TAOK3: variants seen among roughly 807,000 people sequenced by gnomAD.
TAOK3 encodes the protein serine/threonine-protein kinase TAO3.
In TAOK3, 40 loss-of-function variants were observed where a neutral mutation model predicts 120.4. The ratio of observed to expected loss-of-function variants is 0.33; its 90% confidence interval spans 0.26 to 0.43. The LOEUF is 0.43. Among genes scored for constraint, TAOK3 ranks in the 20% least tolerant of loss-of-function variants. The pLI is 1.00. For missense variants in TAOK3, 821 were observed against 1,112.1 expected, an observed-to-expected ratio of 0.74 and a Z score of 3.72; for synonymous variants, 355 against 387.5, an observed-to-expected ratio of 0.92 and a Z score of 0.99.
In TAOK3 at chr12:118,371,392, G is replaced by A. The variant is rs545627066; in HGVS notation, c.-194+1256C>T. 1.1e-4 allele frequency among the ~76,000 whole-genome samples: 17 copies of A among 152,296 alleles called. No homozygotes were observed. In the South Asian group the frequency reaches 1.7e-3, roughly 15 times the overall value. On this transcript the variant is annotated intron_variant, in intron 1 of 20. Coordinates refer to ENST00000392533, the MANE Select transcript of TAOK3 (RefSeq NM_016281.4). This position sits in a 1 kb window ranked among gnomAD's most constrained non-coding sequence, Gnocchi z 5.5. ...GAACGAATGCGAAGCCAGCGGGCCA[G>A]TGAGAAGAGGTCAGGCCGCGCAGGT...
chr12:118,210,967 G>A (rs1270439506), intron 11 of TAOK3, among the ~76,000 whole-genome samples: 1 of 152,044 alleles, frequency 6.6e-6, no homozygotes, highest in Non-Finnish European at 1.5e-5. Context: ...TCGAACTGGT[G>A]ACCTCCTGAT....
intron 2 of TAOK3, among the ~76,000 whole-genome samples, chr12:118,258,908 C>T (rs1293463716): frequency 6.6e-6 from 1 of 151,948 alleles, no homozygotes; most frequent in Non-Finnish European, 1.5e-5. Flanking sequence ...TTTTCAATCA[C>T]CAAAACACAT....
intron 1 of TAOK3, among the ~76,000 whole-genome samples, chr12:118,359,967 T>A (rs1283095999): frequency 6.6e-6 from 1 of 152,156 alleles, no homozygotes; most frequent in East Asian, 1.9e-4. Flanking sequence ...AGATGCGCGA[T>A]TATTAAGAAT....
intron 1 of TAOK3, among the ~76,000 whole-genome samples, chr12:118,312,930 A>G (rs543392123): frequency 2.0e-5 from 3 of 152,206 alleles, no homozygotes; most frequent in African/African-American, 7.2e-5. Flanking sequence ...GAATTCCATC[A>G]ATCAAAAATG....
intron 14 of TAOK3, among the ~76,000 whole-genome samples, chr12:118,183,569 G>A (rs1298760474): frequency 2.0e-5 from 3 of 152,004 alleles, no homozygotes; most frequent in Non-Finnish European, 4.4e-5. Flanking sequence ...CATAATTCAA[G>A]ATGAAAGGAG....
Position 118,158,535 on chromosome 12 carries a change from C to A in TAOK3, c.2352+1611G>T, listed in dbSNP as rs921992736. Among the ~76,000 whole-genome samples the A allele has an allele frequency of 3.9e-5, 6 of 152,106 alleles. No homozygotes were observed. The East Asian group carries it at 5.8e-4, about 15-fold the overall frequency. On this transcript the variant is annotated intron_variant, in intron 19 of 20. Coordinates refer to ENST00000392533, the MANE Select transcript of TAOK3 (RefSeq NM_016281.4). ...TGACCTATTCTACTCTGTTGTCAAA[C>A]CTCTCAAATTGGTCACTAAGTTATT...
At chr12:118,152,774 T>C (rs795483) in intron 19 of TAOK3, 124,307 of 181,336 alleles carry the variant, frequency 0.69, 42,713 homozygotes, top group South Asian at 0.72. Context: ...TGTGTTTCAT[T>C]CTCAAGAAAA....
At chr12:118,192,226 G>A (rs921574151) in intron 13 of TAOK3, among the ~76,000 whole-genome samples, 2 of 152,110 alleles carry the variant, frequency 1.3e-5, no homozygotes, top group South Asian at 4.1e-4. Flanking sequence ...AAGTACACCG[G>A]AAAAATTAAA....
chr12:118,299,734 T>C (rs891760728), intron 1 of TAOK3, among the ~76,000 whole-genome samples: 2 of 152,146 alleles, frequency 1.3e-5, no homozygotes, highest in African/African-American at 4.8e-5. Flanking sequence ...GGTCTCGAAC[T>C]CCTAATCTCA....
chr12:118,330,741 A>G (rs2044111189), intron 1 of TAOK3, among the ~76,000 whole-genome samples: 1 of 150,854 alleles, frequency 6.6e-6, no homozygotes, highest in Non-Finnish European at 1.5e-5. Context: ...AAAAGAAAGA[A>G]GGAAAGAAGA....
intron 15 of TAOK3, among the ~76,000 whole-genome samples, chr12:118,178,300 C>T (rs1238172445): frequency 1.3e-5 from 2 of 152,140 alleles, no homozygotes; most frequent in East Asian, 3.9e-4. Flanking sequence ...GTTTTTACAT[C>T]ATATTGTTGA....
intron 1 of TAOK3, among the ~76,000 whole-genome samples, chr12:118,325,191 T>G (rs888234588): frequency 6.6e-6 from 1 of 152,262 alleles, no homozygotes; most frequent in Non-Finnish European, 1.5e-5. Context: ...GGCATGGGAC[T>G]GCAAATATCT....
At chr12:118,344,557 T>A (rs1200571476) in intron 1 of TAOK3, among the ~76,000 whole-genome samples, 1 of 152,044 alleles carries the variant, frequency 6.6e-6, no homozygotes, top group Admixed American at 6.6e-5. Context: ...ACGCAAAAAA[T>A]ACATGGCAAT....
At chr12:118,224,115 G>C (rs2039387153) in intron 9 of TAOK3, among the ~76,000 whole-genome samples, 1 of 152,114 alleles carries the variant, frequency 6.6e-6, no homozygotes, top group Admixed American at 6.6e-5. Context: ...TATTTTTCCA[G>C]TTTCCCAACT....
intron 13 of TAOK3, among the ~76,000 whole-genome samples, chr12:118,194,104 C>T (rs536139810): frequency 2.6e-5 from 4 of 152,200 alleles, no homozygotes; most frequent in South Asian, 2.1e-4. Flanking sequence ...CTAAGGAAGT[C>T]GTAAAATAGT....
chr12:118,228,195 C>A (rs2039600708), intron 9 of TAOK3, among the ~76,000 whole-genome samples: 1 of 149,212 alleles, frequency 6.7e-6, no homozygotes, highest in Non-Finnish European at 1.5e-5. Flanking sequence ...TCTTGTCGTC[C>A]AGCTGGAGTG....
chr12:118,209,871 A>G (rs373329224), intron 11 of TAOK3, among the ~76,000 whole-genome samples: 18 of 151,558 alleles, frequency 1.2e-4, no homozygotes, highest in East Asian at 9.8e-4. Context: ...ATGCCACTGC[A>G]CCTGGCTAAT....
chr12:118,203,073 C>A (rs1015026877), intron 11 of TAOK3, among the ~76,000 whole-genome samples: 4 of 152,110 alleles, frequency 2.6e-5, no homozygotes. Flanking sequence ...AGCCACCGCA[C>A]CGCACCTTGT....
At chr12:118,210,419 T>G (rs1292595368) in intron 11 of TAOK3, among the ~76,000 whole-genome samples, 1 of 152,218 alleles carries the variant, frequency 6.6e-6, no homozygotes, top group Non-Finnish European at 1.5e-5. Context: ...GTTTTCTGGC[T>G]TTGACTGTTC....
Sources: gnomAD v4.1 joint callset for allele counts (sites outside exome capture counted in the v4.1 genomes callset) on GRCh38, gnomAD v4.1.1 for gene constraint, Gnocchi (gnomAD v3.1) non-coding constraint, MANE v1.5 for transcripts, NCBI Gene and HGNC (gene_info 2026-07-23, HGNC 2026-07-21) for gene names.